The following SWI5 variants were observed in gnomAD, a reference collection of about 807,000 sequenced individuals.
SWI5 encodes DNA repair protein SWI5 homolog.
SWI5 carries 12 observed loss-of-function variants against 17.0 expected under a neutral mutation model. That is an observed-to-expected ratio of 0.71 (90% CI 0.45 to 1.14). The LOEUF (loss-of-function observed/expected upper bound fraction) is 1.14. Among genes scored for constraint, SWI5 ranks in the 50% most tolerant of loss-of-function variants. The pLI is 0.00. For missense variants in SWI5, 158 were observed against 162.2 expected (o/e 0.97, Z 0.14); for synonymous variants, 61 against 64.0 (o/e 0.95, Z 0.22).
At chr9:128,277,713 G>T (rs767692922) in intron 2 of SWI5, among the ~76,000 whole-genome samples, 1 of 152,210 alleles carries the variant, frequency 6.6e-6, no homozygotes, top group East Asian at 1.9e-4. Context: ...GAGATGGGGA[G>T]CCCAGGCTTG....
At chr9:128,284,542 G>A (rs757200968) in exon 3 of SWI5, 114 of 1,613,760 alleles carry the variant, frequency 7.1e-5, no homozygotes, top group Non-Finnish European at 8.9e-5. Context: ...AGGCTGATGG[G>A]ACCAGCGAGG....
At chr9:128,281,028 CTTTTTTT>C (rs11306272) in intron 2 of SWI5, among the ~76,000 whole-genome samples, 5 of 43,756 alleles carry the variant, frequency 1.1e-4, no homozygotes, top group Admixed American at 4.2e-4. Flanking sequence ...TTCAACCATG[CTTTTTTT>C]TTTTTTTTTT....
upstream of SWI5, chr9:128,275,629 C>T (rs1311093603): frequency 7.8e-6 from 5 of 641,856 alleles, no homozygotes; most frequent in Non-Finnish European, 1.2e-5. Flanking sequence ...GGTCGGACTT[C>T]GGGGGGCAGG....
intron 3 of SWI5, 41 bp downstream of exon 3, chr9:128,284,672 T>C: frequency 6.2e-7 from 1 of 1,602,636 alleles, no homozygotes; most frequent in Non-Finnish European, 8.5e-7. Context: ...AAGATAACTT[T>C]GGGCTAGGCA....
At chr9:128,276,162 A>G (rs1171681643), upstream of SWI5, 4 of 1,571,538 alleles carry the variant, frequency 2.5e-6, no homozygotes. Flanking sequence ...CGGCGTGGCC[A>G]GAGGGACCTG....
upstream of SWI5, chr9:128,275,428 G>A (rs2131402653): frequency 7.7e-7 from 1 of 1,298,620 alleles, no homozygotes; most frequent in East Asian, 3.1e-5. Context: ...GGACCGCAGG[G>A]CCAGGACCCA....
At position 128,285,170 on chromosome 9, in the gene SWI5, GAGAA is replaced by G. The variant is rs2131423349; in HGVS notation, c.233+543_233+546del. Among the ~76,000 whole-genome samples the G allele has an allele frequency of 6.7e-6, 1 of 150,098 alleles. No individual in the cohort carries two copies. Among genetic ancestry groups the G allele is most frequent in the East Asian group, 2.0e-4 (1 of 5,104 alleles). On this transcript the variant is annotated intron_variant, in intron 3 of 4. Coordinates refer to ENST00000418976, the Ensembl canonical transcript of SWI5. This position sits in a 1 kb window ranked among gnomAD's most constrained non-coding sequence, Gnocchi z 4.8. Reference sequence around the variant, plus strand: ...TACAGAGCGAGACTTGGTAAAGAAAGAGAAAGAGGGCGAGAGGGAGAGAGAGAGG... The same window carrying G: ...TACAGAGCGAGACTTGGTAAAGAAAGAGAGGGCGAGAGGGAGAGAGAGAGG...
chr9:128,275,622 C>T, upstream of SWI5: 2 of 789,082 alleles, frequency 2.5e-6, no homozygotes. Flanking sequence ...CCAGGGAGGT[C>T]GGACTTCGGG....
upstream of SWI5, chr9:128,275,574 T>C (rs1831279815): frequency 2.7e-6 from 3 of 1,123,902 alleles, no homozygotes; most frequent in African/African-American, 3.3e-5. Context: ...GCTGAATTGC[T>C]GGGGTCCTAG....
upstream of SWI5, chr9:128,276,150 A>G (rs56321718): frequency 6.4e-7 from 1 of 1,567,266 alleles, no homozygotes; most frequent in African/African-American, 1.4e-5. Flanking sequence ...GTGGCTATGC[A>G]GCGGCGTGGC....
At chr9:128,277,992 G>T (rs1319403671) in intron 2 of SWI5, among the ~76,000 whole-genome samples, 1 of 123,540 alleles carries the variant, frequency 8.1e-6, no homozygotes, top group South Asian at 2.5e-4. Flanking sequence ...GCACTCTGTC[G>T]CCCGGGCTGG....
chr9:128,284,907 G>A (rs1250804920), intron 3 of SWI5, among the ~76,000 whole-genome samples: 1 of 139,584 alleles, frequency 7.2e-6, no homozygotes, highest in Non-Finnish European at 1.5e-5. Context: ...AGTCAGCTGA[G>A]ATCACGCCAC....
chr9:128,281,546 G>C (rs1831539732), intron 2 of SWI5, among the ~76,000 whole-genome samples: 1 of 152,116 alleles, frequency 6.6e-6, no homozygotes, highest in Non-Finnish European at 1.5e-5. Flanking sequence ...ATAGCACACT[G>C]TACTTCAACT....
chr9:128,280,486 A>T (rs1169567072), intron 2 of SWI5, among the ~76,000 whole-genome samples: 1 of 146,462 alleles, frequency 6.8e-6, no homozygotes, highest in Non-Finnish European at 1.5e-5. Context: ...TAATAGCACT[A>T]CTCATGGTTG....
chr9:128,276,537 C>T, intron 1 of SWI5, 135 bp downstream of exon 1: 1 of 1,571,588 alleles, frequency 6.4e-7, no homozygotes, highest in Non-Finnish European at 8.7e-7. Context: ...ACGCCCCCTT[C>T]CTAGAGGGTC....
chr9:128,282,426 T>C (rs1199808123), intron 2 of SWI5, among the ~76,000 whole-genome samples: 1 of 151,706 alleles, frequency 6.6e-6, no homozygotes, highest in Non-Finnish European at 1.5e-5. Context: ...ATATTAAAAA[T>C]CAGGAAAAAG....
intron 2 of SWI5, among the ~76,000 whole-genome samples, chr9:128,277,331 C>T (rs1831429756): frequency 6.6e-6 from 1 of 152,076 alleles, no homozygotes; most frequent in African/African-American, 2.4e-5. Flanking sequence ...GCGGGCAGAT[C>T]ATTTGAGGTC....
chr9:128,276,255 G>A (rs768521563), exon 1 of SWI5: 7 of 1,612,446 alleles, frequency 4.3e-6, no homozygotes, highest in Middle Eastern at 1.7e-4. Flanking sequence ...CCTTGGGTGC[G>A]CGCGCAGCTT....
exon 5 of SWI5, chr9:128,288,683 G>T (rs199960390): frequency 1.9e-6 from 3 of 1,614,148 alleles, no homozygotes; most frequent in African/African-American, 2.7e-5. Flanking sequence ...CCAAAGAGTT[G>T]TATCCAGAGT....
Sources: gnomAD v4.1 joint callset for allele counts (sites outside exome capture counted in the v4.1 genomes callset) on GRCh38, gnomAD v4.1.1 for gene constraint, Gnocchi (gnomAD v3.1) non-coding constraint, MANE v1.5 for transcripts, NCBI Gene and HGNC (gene_info 2026-07-23, HGNC 2026-07-21) for gene names.